The following EDIL3 variants were observed in gnomAD, a reference collection of about 807,000 sequenced individuals.
EDIL3 encodes EGF-like repeat and discoidin I-like domain-containing protein 3.
Under a neutral mutation model 67.4 loss-of-function variants are expected in EDIL3, and 37 were observed. The ratio of observed to expected loss-of-function variants is 0.55; its 90% confidence interval spans 0.42 to 0.72. EDIL3 has a LOEUF of 0.72. Ranked by LOEUF, EDIL3 falls within the 30% of genes least tolerant of loss-of-function variation. EDIL3 has a pLI of 0.00. For synonymous variants in EDIL3, 195 were observed against 196.3 expected (o/e 0.99, Z 0.05); for missense variants, 527 against 586.3 (o/e 0.90, Z 1.04).
chr5:84,205,469 A>C (rs1409116710), intron 3 of EDIL3, among the ~76,000 whole-genome samples: 2 of 152,192 alleles, frequency 1.3e-5, no homozygotes, highest in Admixed American at 1.3e-4. Flanking sequence ...AATAGCCAAA[A>C]TATTTAAAAT....
At chr5:84,287,918 T>C (rs111596439) in intron 1 of EDIL3, among the ~76,000 whole-genome samples, 2 of 152,094 alleles carry the variant, frequency 1.3e-5, no homozygotes, top group African/African-American at 2.4e-5. Flanking sequence ...CTTTTCTATC[T>C]ATACTCATTC....
intron 6 of EDIL3, among the ~76,000 whole-genome samples, chr5:84,084,501 G>A (rs1223514180): frequency 1.3e-5 from 2 of 152,128 alleles, no homozygotes; most frequent in Non-Finnish European, 2.9e-5. Context: ...TTAATTTTAT[G>A]AAGAGTGAAT....
chr5:84,277,703 A>C (rs1257756777), intron 1 of EDIL3, among the ~76,000 whole-genome samples: 1 of 152,190 alleles, frequency 6.6e-6, no homozygotes, highest in Non-Finnish European at 1.5e-5. Flanking sequence ...AACTTATCAT[A>C]GACATATATT....
intron 4 of EDIL3, among the ~76,000 whole-genome samples, chr5:84,149,864 A>G (rs563771016): frequency 7.9e-5 from 12 of 151,922 alleles, no homozygotes; most frequent in African/African-American, 2.9e-4. Flanking sequence ...ATGCAAAAAT[A>G]AAAAAAAATT....
chr5:84,086,426 G>A (rs190047600), intron 6 of EDIL3, among the ~76,000 whole-genome samples: 121 of 152,254 alleles, frequency 7.9e-4, no homozygotes, highest in African/African-American at 2.3e-3. Context: ...GGCTCCTTGC[G>A]CTTTCTGGGA....
In EDIL3 at chr5:84,373,127, T is replaced by C. The variant is rs149741902; in HGVS notation, c.67+11181A>G. ...CCCAGTTTTAATTTCATGTCATCTT[T>C]GCTCCTCTACCATTCCTTAGTATAA... On this transcript the variant is annotated intron_variant, in intron 1 of 10. Transcript: ENST00000296591. Among the ~76,000 whole-genome samples the C allele has an allele frequency of 5.5e-3, 831 of 152,260 alleles. 11 individuals are homozygous for C. Among genetic ancestry groups the C allele is most frequent in the African/African-American group, 0.019 (777 of 41,548 alleles).
intron 1 of EDIL3, among the ~76,000 whole-genome samples, chr5:84,290,547 C>A (rs553756251): frequency 6.6e-6 from 1 of 152,316 alleles, no homozygotes; most frequent in East Asian, 1.9e-4. Flanking sequence ...AAGAGTCTGA[C>A]CTTCTTTCTC....
chr5:84,311,603 A>G (rs1169489317), intron 1 of EDIL3, among the ~76,000 whole-genome samples: 1 of 150,384 alleles, frequency 6.6e-6, no homozygotes, highest in African/African-American at 2.5e-5. Context: ...GGTGTTTCTC[A>G]CAGAGGGGGA....
chr5:84,063,574 G>T (rs1054967547), intron 8 of EDIL3, among the ~76,000 whole-genome samples: 1 of 151,994 alleles, frequency 6.6e-6, no homozygotes, highest in African/African-American at 2.4e-5. Context: ...TTAAAAATTG[G>T]CTATTTAATA....
chr5:84,014,633 G>C lies in EDIL3; in HGVS notation c.1137+45667C>G, dbSNP rs141881727. On this transcript the variant is annotated intron_variant, in intron 9 of 10. Coordinates refer to ENST00000296591, the MANE Select transcript of EDIL3 (RefSeq NM_005711.5). ...GCACTCCAGCCTGGAGACAGAGCGA[G>C]ACTCCGTCTCAAACAAACAAACAAA... 1.2e-3 allele frequency among the ~76,000 whole-genome samples: 182 copies of C among 152,076 alleles called. 8 individuals are homozygous for C. The East Asian group carries it at 0.021, about 18-fold the overall frequency.
chr5:83,958,218 C>A (rs1050683889), intron 10 of EDIL3, among the ~76,000 whole-genome samples: 2 of 151,508 alleles, frequency 1.3e-5, no homozygotes, highest in Non-Finnish European at 3.0e-5. Context: ...ATTTTTCACA[C>A]ACTTGCTTAT....
chr5:84,347,842 C>T (rs974545422), intron 1 of EDIL3, among the ~76,000 whole-genome samples: 1 of 152,158 alleles, frequency 6.6e-6, no homozygotes, highest in Non-Finnish European at 1.5e-5. Flanking sequence ...TTATGAGACA[C>T]ATTCATATTT....
At chr5:83,988,354 A>G (rs1745091819) in intron 9 of EDIL3, among the ~76,000 whole-genome samples, 1 of 152,218 alleles carries the variant, frequency 6.6e-6, no homozygotes, top group Non-Finnish European at 1.5e-5. Context: ...TTTTATATTT[A>G]TTAAATGTAA....
intron 10 of EDIL3, among the ~76,000 whole-genome samples, chr5:83,947,375 G>C (rs1580246893): frequency 6.7e-6 from 1 of 149,922 alleles, no homozygotes; most frequent in African/African-American, 2.4e-5. Context: ...GTGTCTGTGT[G>C]TGTGTGTGTG....
chr5:84,102,689 A>T (rs979434976), intron 6 of EDIL3, among the ~76,000 whole-genome samples: 1 of 152,064 alleles, frequency 6.6e-6, no homozygotes, highest in Non-Finnish European at 1.5e-5. Context: ...AATCTCTACA[A>T]TGGGAACTAG....
chr5:84,027,898 G>A (rs996809243), intron 9 of EDIL3, among the ~76,000 whole-genome samples: 1 of 152,052 alleles, frequency 6.6e-6, no homozygotes, highest in African/African-American at 2.4e-5. Context: ...TTTCCATGCT[G>A]TATGTTGTCT....
At chr5:84,371,669 C>T (rs1445467339) in intron 1 of EDIL3, among the ~76,000 whole-genome samples, 2 of 151,336 alleles carry the variant, frequency 1.3e-5, no homozygotes, top group East Asian at 3.9e-4. Flanking sequence ...TAGGTTACTC[C>T]ATATCTGAGG....
At chr5:84,349,224 TC>T (rs1408527413) in intron 1 of EDIL3, among the ~76,000 whole-genome samples, 1 of 152,208 alleles carries the variant, frequency 6.6e-6, no homozygotes, top group African/African-American at 2.4e-5. Context: ...ATCGGATTTT[TC>T]CGCAGGCTTG....
chr5:84,159,225 T>G (rs562995505), intron 4 of EDIL3, among the ~76,000 whole-genome samples: 3 of 152,124 alleles, frequency 2.0e-5, no homozygotes, highest in African/African-American at 7.2e-5. Flanking sequence ...AAATAAACAG[T>G]ACATTTATGA....
Sources: allele counts gnomAD v4.1 joint callset (sites outside exome capture counted in the v4.1 genomes callset), GRCh38; gene constraint gnomAD v4.1.1; transcripts MANE v1.5; gene names NCBI Gene and HGNC (gene_info 2026-07-23, HGNC 2026-07-21).